Variants in PSEN1 observed in about 807,000 individuals in gnomAD.
PSEN1 encodes presenilin-1.
Under a neutral mutation model 53.5 loss-of-function variants are expected in PSEN1, and 15 were observed. The observed-to-expected ratio is 0.28, with a 90% CI of 0.19 to 0.43. The LOEUF is 0.43. Ranked by LOEUF, PSEN1 falls within the 20% of genes least tolerant of loss-of-function variation. The pLI is 1.00. For synonymous variants in PSEN1, 208 were observed against 209.8 expected (o/e 0.99, Z 0.08); for missense variants, 387 against 571.2 (o/e 0.68, Z 3.29).
At chr14:73,142,595 G>A (rs913706470) in intron 1 of PSEN1, among the ~76,000 whole-genome samples, 7 of 152,150 alleles carry the variant, frequency 4.6e-5, no homozygotes, top group African/African-American at 1.4e-4. Flanking sequence ...AGAAGAAAAC[G>A]TATTAATTCT....
At chr14:73,170,679 T>C (rs902911822) in intron 3 of PSEN1, 118 bp from the exon 4 acceptor site, 6 of 1,100,910 alleles carry the variant, frequency 5.5e-6, no homozygotes, top group African/African-American at 3.1e-5. Flanking sequence ...CATTGTTTTT[T>C]CTTGCTTCAG....
intron 1 of PSEN1, among the ~76,000 whole-genome samples, chr14:73,142,062 G>A (rs1175025027): frequency 3.4e-5 from 5 of 147,414 alleles, no homozygotes; most frequent in African/African-American, 1.0e-4. Flanking sequence ...GGGAGACTCC[G>A]TCTCAAAAAA....
chr14:73,145,521 T>C (rs1404476048), intron 1 of PSEN1, among the ~76,000 whole-genome samples: 1 of 151,186 alleles, frequency 6.6e-6, no homozygotes, highest in East Asian at 2.0e-4. Context: ...GTATTTTTAG[T>C]AGAAACAGGG....
chr14:73,201,184 G>A (rs1239915853), intron 8 of PSEN1, among the ~76,000 whole-genome samples: 1 of 152,190 alleles, frequency 6.6e-6, no homozygotes, highest in East Asian at 1.9e-4. Context: ...CGCCTCCTGG[G>A]TTCAGCCATT....
chr14:73,155,987 TA>T (rs1897343033), intron 3 of PSEN1, among the ~76,000 whole-genome samples: 1 of 152,118 alleles, frequency 6.6e-6, no homozygotes, highest in Non-Finnish European at 1.5e-5. Context: ...TTGGAGGGGT[TA>T]TGTGGGAACT....
At chr14:73,184,268 C>T (rs1595019001) in intron 5 of PSEN1, among the ~76,000 whole-genome samples, 1 of 102,598 alleles carries the variant, frequency 9.7e-6, no homozygotes, top group Admixed American at 8.9e-5. Context: ...CCCCCACCTC[C>T]CTCCCGGACG....
At chr14:73,214,432 A>AG (rs1899826900) in intron 10 of PSEN1, among the ~76,000 whole-genome samples, 1 of 151,306 alleles carries the variant, frequency 6.6e-6, no homozygotes, top group South Asian at 2.1e-4. Context: ...CAGGAGGCTG[A>AG]GGCAGGAGAA....
intron 10 of PSEN1, among the ~76,000 whole-genome samples, chr14:73,212,259 C>T (rs373752770): frequency 6.6e-5 from 10 of 151,224 alleles, no homozygotes; most frequent in African/African-American, 1.7e-4. Context: ...TACAGGCGTG[C>T]GCCACCACGC....
intron 5 of PSEN1, among the ~76,000 whole-genome samples, chr14:73,185,611 G>A (rs866992128): frequency 2.6e-5 from 4 of 151,552 alleles, no homozygotes; most frequent in South Asian, 4.1e-4. Context: ...GAGACCGTGG[G>A]GAGAGAGAGG....
chr14:73,181,055 A>G (rs560630555), intron 5 of PSEN1, among the ~76,000 whole-genome samples: 1 of 152,368 alleles, frequency 6.6e-6, no homozygotes, highest in South Asian at 2.1e-4. Flanking sequence ...AATTGGGGAA[A>G]GAAAGGGAAA....
intron 3 of PSEN1, among the ~76,000 whole-genome samples, chr14:73,157,511 C>T (rs114576149): frequency 6.4e-4 from 97 of 152,180 alleles, no homozygotes; most frequent in African/African-American, 2.1e-3. Context: ...TTAAAGTATA[C>T]AGTGTGATGT....
At chr14:73,204,475 T>C in intron 8 of PSEN1, among the ~76,000 whole-genome samples, 1 of 151,350 alleles carries the variant, frequency 6.6e-6, no homozygotes, top group East Asian at 1.9e-4. Flanking sequence ...AAGCCAAATA[T>C]GGCCCATGGC....
chr14:73,193,557 A>G (rs1215511310), intron 7 of PSEN1, among the ~76,000 whole-genome samples: 1 of 151,344 alleles, frequency 6.6e-6, no homozygotes, highest in Non-Finnish European at 1.5e-5. Context: ...CTCAAAAAAA[A>G]AAAAAAAGCA....
chr14:73,217,329 AC>A (rs1899959449), intron 11 of PSEN1, 85 bp downstream of exon 11: 1 of 1,516,548 alleles, frequency 6.6e-7, no homozygotes, highest in Non-Finnish European at 9.1e-7. Context: ...TTCTGTTTTA[AC>A]CCCAGGTGGG....
intron 8 of PSEN1, 49 bp downstream of exon 8, chr14:73,198,178 C>T (rs1047824240): frequency 1.9e-5 from 21 of 1,124,360 alleles, no homozygotes; most frequent in South Asian, 1.8e-4. Flanking sequence ...TAGAATTTAT[C>T]GGAACTGAAG....
At position 73,203,003 on chromosome 14, in the gene PSEN1, G is replaced by GC. The variant is rs543148169; in HGVS notation, c.869-3382dup. On this transcript the variant is annotated intron_variant, in intron 8 of 11. Transcript: ENST00000324501. The stretch of plus-strand genomic sequence containing the variant: ...GTGTAGATCAGGTAGGTTCAAGATT[G>GC]CATCTGTTCTTTTGTAATACTAAAT... 9.4e-5 allele frequency among the ~76,000 whole-genome samples: 8 copies of GC among 85,300 alleles called. No individual in the cohort carries two copies. In the South Asian group the frequency reaches 2.6e-3, roughly 28 times the overall value. 56.0% of individuals were successfully genotyped at this position (85,300 alleles called of 152,430 possible).
chr14:73,140,519 A>G (rs1303484473), intron 1 of PSEN1, among the ~76,000 whole-genome samples: 1 of 151,908 alleles, frequency 6.6e-6, no homozygotes, highest in East Asian at 1.9e-4. Context: ...AAGGTTTTTT[A>G]TAACTAATTT....
At chr14:73,162,613 CTA>C (rs995681108) in intron 3 of PSEN1, among the ~76,000 whole-genome samples, 1 of 151,736 alleles carries the variant, frequency 6.6e-6, no homozygotes, top group Non-Finnish European at 1.5e-5. Context: ...AAGCTGTTGA[CTA>C]TGCCACTGCA....
intron 3 of PSEN1, chr14:73,167,777 A>T (rs1328087395): frequency 6.8e-6 from 1 of 147,440 alleles, no homozygotes; most frequent in Non-Finnish European, 1.5e-5. Context: ...GTGGGGTTGG[A>T]TAAGAAAAGT....
Sources: gnomAD v4.1 joint callset for allele counts (sites outside exome capture counted in the v4.1 genomes callset) on GRCh38, gnomAD v4.1.1 for gene constraint, MANE v1.5 for transcripts, NCBI Gene and HGNC (gene_info 2026-07-23, HGNC 2026-07-21) for gene names.